Variants in GOT1 observed in about 807,000 individuals in gnomAD.
GOT1 encodes the protein aspartate aminotransferase, cytoplasmic.
A neutral mutation model predicts 48.2 loss-of-function variants in GOT1; 25 were observed. The ratio of observed to expected loss-of-function variants is 0.52; its 90% CI spans 0.38 to 0.72. The LOEUF is 0.72. GOT1 is among the 30% of genes least tolerant of loss of function. GOT1 has a pLI of 0.00. For synonymous variants in GOT1, 188 were observed against 193.8 expected, an observed-to-expected ratio of 0.97 and a Z score of 0.25; for missense variants, 380 against 520.1, an observed-to-expected ratio of 0.73 and a Z score of 2.62.
At chr10:99,406,387 A>T in intron 3 of GOT1, 138 bp from the exon 4 acceptor site, 1 of 667,892 alleles carries the variant, frequency 1.5e-6, no homozygotes, top group Admixed American at 2.5e-5. Context: ...TAAGATGTAG[A>T]GGAATGATTG....
intron 2 of GOT1, among the ~76,000 whole-genome samples, chr10:99,415,720 A>C (rs1242929905): frequency 6.6e-6 from 1 of 152,244 alleles, no homozygotes; most frequent in South Asian, 2.1e-4. Flanking sequence ...CAAATCCAGC[A>C]GCACATCAAA....
At chr10:99,414,539 GAA>G (rs1204640800) in intron 2 of GOT1, among the ~76,000 whole-genome samples, 1 of 152,128 alleles carries the variant, frequency 6.6e-6, no homozygotes, top group Non-Finnish European at 1.5e-5. Context: ...AATGAAGACA[GAA>G]AGTTAACAAG....
chr10:99,409,922 T>C (rs2032809539), intron 2 of GOT1, among the ~76,000 whole-genome samples: 1 of 152,232 alleles, frequency 6.6e-6, no homozygotes, highest in African/African-American at 2.4e-5. Context: ...TCTGTTTGTA[T>C]TTATAGGTGT....
At chr10:99,430,194 G>T in intron 1 of GOT1, 1 of 982,974 alleles carries the variant, frequency 1.0e-6, no homozygotes, top group Non-Finnish European at 1.5e-6. Context: ...GAATCGGAAA[G>T]ACTGAGTTTG....
At chr10:99,416,358 T>C (rs907097947) in intron 2 of GOT1, among the ~76,000 whole-genome samples, 11 of 152,082 alleles carry the variant, frequency 7.2e-5, no homozygotes, top group African/African-American at 1.9e-4. Context: ...TCAAAGAGAA[T>C]AGAATACCTA....
chr10:99,404,327 C>A (rs1195033399), intron 5 of GOT1, among the ~76,000 whole-genome samples: 2 of 152,192 alleles, frequency 1.3e-5, no homozygotes, highest in African/African-American at 2.4e-5. Flanking sequence ...CCACAGGGAA[C>A]CTGCTTCTAC....
At chr10:99,400,697 G>T (rs12571181) in intron 8 of GOT1, among the ~76,000 whole-genome samples, 34,207 of 152,090 alleles carry the variant, frequency 0.22, 5,096 homozygotes, top group African/African-American at 0.42. Flanking sequence ...TCCCAGCACT[G>T]TGGGAGGCCA....
At chr10:99,399,265 C>A (rs1001446395) in intron 8 of GOT1, among the ~76,000 whole-genome samples, 1 of 152,050 alleles carries the variant, frequency 6.6e-6, no homozygotes, top group Non-Finnish European at 1.5e-5. Context: ...AGACCTTTAC[C>A]GCTATTTTCT....
intron 2 of GOT1, 124 bp downstream of exon 2, chr10:99,420,500 A>T: frequency 1.4e-6 from 1 of 728,036 alleles, no homozygotes; most frequent in Non-Finnish European, 2.2e-6. Context: ...AACTCGCGCT[A>T]CAGAAACACT....
At chr10:99,427,486 G>T (rs2033054893) in intron 1 of GOT1, among the ~76,000 whole-genome samples, 1 of 152,156 alleles carries the variant, frequency 6.6e-6, no homozygotes, top group Non-Finnish European at 1.5e-5. Context: ...AGCCAGGATG[G>T]TCTCAATCTC....
rs935344556 is a variant in GOT1 at position 99,397,906 on chromosome 10, A to C, written c.1103-220T>G. 5.9e-5 allele frequency among the ~76,000 whole-genome samples: 9 copies of C among 152,232 alleles called. No homozygotes were observed. The highest frequency in any genetic ancestry group is 5.2e-4 in the Admixed American group (8 of 15,286). ...CACCTTTGAATCCCCAGAAAATTCAATATGGCTACTACTGATGGGAATTTT... is the reference window on the plus strand; with the variant it reads ...CACCTTTGAATCCCCAGAAAATTCACTATGGCTACTACTGATGGGAATTTT... On this transcript the variant is annotated intron_variant, in intron 8 of 8. Transcript: ENST00000370508. This position sits in a 1 kb window ranked among gnomAD's most constrained non-coding sequence, Gnocchi z 5.4.
At chr10:99,421,691 C>T (rs1015119274) in intron 1 of GOT1, among the ~76,000 whole-genome samples, 1 of 152,128 alleles carries the variant, frequency 6.6e-6, no homozygotes, top group African/African-American at 2.4e-5. Flanking sequence ...CTTAGCTTTG[C>T]ACCCACGCCA....
intron 8 of GOT1, among the ~76,000 whole-genome samples, chr10:99,399,183 T>A (rs1350380176): frequency 6.6e-6 from 1 of 152,236 alleles, no homozygotes; most frequent in Admixed American, 6.5e-5. Context: ...AGGCTTTCTC[T>A]GAGGCCCTCC....
chr10:99,413,216 T>G (rs1161148193), intron 2 of GOT1, among the ~76,000 whole-genome samples: 1 of 152,154 alleles, frequency 6.6e-6, no homozygotes, highest in East Asian at 1.9e-4. Flanking sequence ...AATGGCTAAC[T>G]AGAATAACCA....
At chr10:99,410,756 C>A (rs946422695) in intron 2 of GOT1, among the ~76,000 whole-genome samples, 14 of 152,196 alleles carry the variant, frequency 9.2e-5, no homozygotes, top group African/African-American at 3.4e-4. Context: ...AATTGTCCTA[C>A]AGCCTAAGAA....
intron 2 of GOT1, among the ~76,000 whole-genome samples, chr10:99,418,061 A>ATATATAT (rs980080696): frequency 2.5e-4 from 37 of 149,142 alleles, no homozygotes; most frequent in African/African-American, 8.8e-4. Context: ...TAAAAAAAAA[A>ATATATAT]ATATATATAT....
rs771013908 is a variant in GOT1 at position 99,403,471 on chromosome 10, T to C, written c.957A>G (p.Glu319=). The change falls in exon 7 of 9, where the codon GAA becomes GAG. Residue 319 remains glutamate, a splice_region_variant and synonymous_variant. Transcript: ENST00000370508. ...STLSNPELFE[E]WTGNVKTMAD... is the part of the protein sequence containing the mutation. ...CCACCAGACTGGGAGCCCCTTACCA[T>C]TCCTCAAAGAGCTCAGGGTTAGAGA... The C allele has an allele frequency of 6.2e-7, 1 of 1,611,814 alleles. No individual in the cohort carries two copies. The highest frequency in any genetic ancestry group is 1.1e-5 in the South Asian group (1 of 90,888).
At chr10:99,407,125 C>T (rs999891182) in intron 2 of GOT1, among the ~76,000 whole-genome samples, 3 of 152,184 alleles carry the variant, frequency 2.0e-5, no homozygotes, top group Admixed American at 1.3e-4. Context: ...GGAGGTCTGA[C>T]ACTAGAAGAA....
chr10:99,420,861 G>T, intron 1 of GOT1, 56 bp from the exon 2 acceptor site: 1 of 1,403,024 alleles, frequency 7.1e-7, no homozygotes, highest in Non-Finnish European at 9.9e-7. Flanking sequence ...TCCAAGTTAA[G>T]AGTTTGTAAC....
Sources: gnomAD v4.1 joint callset for allele counts (sites outside exome capture counted in the v4.1 genomes callset) on GRCh38, gnomAD v4.1.1 for gene constraint, Gnocchi (gnomAD v3.1) non-coding constraint, MANE v1.5 for transcripts, NCBI Gene and HGNC (gene_info 2026-07-23, HGNC 2026-07-21) for gene names.